XYLB: variants seen among roughly 807,000 people sequenced by gnomAD.
XYLB encodes xylulokinase.
A neutral mutation model predicts 78.7 loss-of-function variants in XYLB; 62 were observed. The ratio of observed to expected loss-of-function variants is 0.79; its 90% CI spans 0.64 to 0.97. The LOEUF is 0.97. Ranked by LOEUF, XYLB falls within the 50% of genes least tolerant of loss-of-function variation. The pLI is 0.00. For synonymous variants in XYLB, 245 were observed against 247.4 expected, an observed-to-expected ratio of 0.99 and a Z score of 0.09; for missense variants, 687 against 676.8, an observed-to-expected ratio of 1.02 and a Z score of -0.17.
intron 16 of XYLB, 67 bp from the exon 17 acceptor site, chr3:38,397,004 CA>C: frequency 1.3e-6 from 2 of 1,502,350 alleles, no homozygotes. Flanking sequence ...CTGGAAAGTG[CA>C]TCCCACAATG....
chr3:38,381,178 T>A (rs1707126034), intron 15 of XYLB, among the ~76,000 whole-genome samples: 2 of 152,204 alleles, frequency 1.3e-5, no homozygotes, highest in Non-Finnish European at 2.9e-5. Flanking sequence ...TCATGGACAT[T>A]TATTAGTTCC....
intron 3 of XYLB, among the ~76,000 whole-genome samples, chr3:38,361,677 G>C (rs1052853986): frequency 6.6e-6 from 1 of 152,140 alleles, no homozygotes; most frequent in Admixed American, 6.5e-5. Flanking sequence ...TGAGAACCAG[G>C]CTTGGGGGCA....
chr3:38,387,537 A>ATTTTTTGTAT (rs1367235865), intron 15 of XYLB, among the ~76,000 whole-genome samples: 13 of 150,572 alleles, frequency 8.6e-5, no homozygotes, highest in African/African-American at 1.7e-4. Context: ...CATCTGGCTA[A>ATTTTTTGTAT]TTTTTTGTAT....
At chr3:38,432,677 C>T in the XYLB span, among the ~76,000 whole-genome samples, 8 of 152,338 alleles carry the variant, frequency 5.3e-5, no homozygotes, top group East Asian at 1.9e-4. Flanking sequence ...CATGCAAGTC[C>T]GAAATCCAAC....
chr3:38,354,946 G>A (rs953297509), intron 2 of XYLB, among the ~76,000 whole-genome samples: 1 of 152,188 alleles, frequency 6.6e-6, no homozygotes, highest in Admixed American at 6.5e-5. Flanking sequence ...TACTTCACAT[G>A]TGTTTTAATA....
chr3:38,406,991 T>G (rs1298520849), intron 18 of XYLB, among the ~76,000 whole-genome samples: 1 of 149,316 alleles, frequency 6.7e-6, no homozygotes, highest in Non-Finnish European at 1.5e-5. Context: ...TTCCCCAATC[T>G]AGCAAGGCAG....
At chr3:38,362,168 T>G (rs57071469) in intron 3 of XYLB, among the ~76,000 whole-genome samples, 4,787 of 152,286 alleles carry the variant, frequency 0.031, 280 homozygotes, top group East Asian at 0.22. Context: ...TTCACTTCCC[T>G]GTTGCAGTGA....
the XYLB span, among the ~76,000 whole-genome samples, chr3:38,434,978 G>C: frequency 6.6e-6 from 1 of 151,954 alleles, no homozygotes; most frequent in Non-Finnish European, 1.5e-5. Context: ...ATATCATAGC[G>C]AAACAAAAAT....
chr3:38,363,039 T>A (rs761031018), intron 4 of XYLB, 22 bp downstream of exon 4: 1 of 1,522,682 alleles, frequency 6.6e-7, no homozygotes, highest in Non-Finnish European at 8.9e-7. Flanking sequence ...GCAGACTCTG[T>A]CTGCCATGTG....
chr3:38,348,730 C>A, intron 2 of XYLB, 98 bp downstream of exon 2: 3 of 1,093,018 alleles, frequency 2.7e-6, no homozygotes, highest in South Asian at 1.3e-5. Context: ...GAGGCTTTGC[C>A]AAATACAGGA....
At chr3:38,351,167 GTC>G (rs1236590835) in intron 2 of XYLB, among the ~76,000 whole-genome samples, 2 of 51,108 alleles carry the variant, frequency 3.9e-5, no homozygotes, top group African/African-American at 1.6e-4. Context: ...GGGAGAGCCT[GTC>G]TCAAAAAAAA....
intron 14 of XYLB, among the ~76,000 whole-genome samples, chr3:38,379,013 G>A (rs1707009881): frequency 6.6e-6 from 1 of 151,900 alleles, no homozygotes; most frequent in African/African-American, 2.4e-5. Context: ...ACTAAGTTCT[G>A]TAATGTCTCT....
chr3:38,409,435 G>C (rs1575543058), intron 18 of XYLB, among the ~76,000 whole-genome samples: 1 of 152,176 alleles, frequency 6.6e-6, no homozygotes, highest in Admixed American at 6.5e-5. Flanking sequence ...ATATCATACT[G>C]AATGGGCAAA....
intron 4 of XYLB, among the ~76,000 whole-genome samples, chr3:38,363,393 A>T (rs1442178234): frequency 6.6e-6 from 1 of 151,862 alleles, no homozygotes; most frequent in Non-Finnish European, 1.5e-5. Flanking sequence ...CCTAATAATG[A>T]TAGTAGTTTC....
intron 18 of XYLB, among the ~76,000 whole-genome samples, chr3:38,401,247 C>G (rs1419926969): frequency 6.6e-6 from 1 of 152,018 alleles, no homozygotes; most frequent in Non-Finnish European, 1.5e-5. Context: ...GTGGGCCCTT[C>G]CATGTCACTG....
chr3:38,440,881 T>TCTCA, the XYLB span, among the ~76,000 whole-genome samples: 1 of 152,116 alleles, frequency 6.6e-6, no homozygotes, highest in East Asian at 1.9e-4. Flanking sequence ...TCTCTCTCTC[T>TCTCA]CTCACTCCCT....
chr3:38,406,107 C>T (rs1708310018), intron 18 of XYLB, among the ~76,000 whole-genome samples: 1 of 152,220 alleles, frequency 6.6e-6, no homozygotes, highest in Non-Finnish European at 1.5e-5. Flanking sequence ...GACCCCTGAC[C>T]CCCGAGCAGC....
intron 18 of XYLB, 57 bp from the exon 19 acceptor site, chr3:38,412,879 C>T: frequency 6.9e-7 from 1 of 1,458,976 alleles, no homozygotes; most frequent in South Asian, 1.3e-5. Flanking sequence ...CAAAGTGCAA[C>T]CAGATGTAAG....
At chr3:38,350,825 C>A (rs1430452000) in intron 2 of XYLB, among the ~76,000 whole-genome samples, 3 of 151,694 alleles carry the variant, frequency 2.0e-5, no homozygotes, top group Non-Finnish European at 2.9e-5. Flanking sequence ...CTTGAGACTT[C>A]TTTGACTCAT....
Sources: gnomAD v4.1 joint callset for allele counts (sites outside exome capture counted in the v4.1 genomes callset) on GRCh38, gnomAD v4.1.1 for gene constraint, MANE v1.5 for transcripts, NCBI Gene and HGNC (gene_info 2026-07-23, HGNC 2026-07-21) for gene names.